Variants in MOB4 observed in about 807,000 individuals in gnomAD.
MOB4 encodes the protein MOB-like protein phocein.
MOB4 carries 4 observed loss-of-function variants against 32.2 expected under a neutral mutation model. That is an observed-to-expected ratio of 0.12 (90% confidence interval 0.06 to 0.28). MOB4 has a LOEUF of 0.28. MOB4 is among the 10% of genes least tolerant of loss of function. The pLI is 1.00. For missense variants in MOB4, 158 were observed against 271.2 expected, an observed-to-expected ratio of 0.58 and a Z score of 2.93; for synonymous variants, 88 against 88.1, an observed-to-expected ratio of 1.00 and a Z score of 0.01.
Position 197,549,547 on chromosome 2 carries a change from TTCTC to T in MOB4, c.435-720_435-717del, listed in dbSNP as rs532602613. Among the ~76,000 whole-genome samples, 136 of 152,122 alleles carry T rather than the reference TTCTC, an allele frequency of 8.9e-4. 1 individual carries two copies. Among genetic ancestry groups the T allele is most frequent in the Non-Finnish European group, 1.4e-3 (97 of 67,998 alleles). On this transcript the variant is annotated intron_variant, in intron 6 of 7. Transcript: ENST00000323303. ...TCAATTTTAAAAAAACAATTTTAAT[TTCTC>T]TCTCTCTGTTTTTCTTTTTCTATAT...
chr2:197,517,370 C>T (rs1366501890), intron 1 of MOB4, among the ~76,000 whole-genome samples: 1 of 152,172 alleles, frequency 6.6e-6, no homozygotes, highest in East Asian at 1.9e-4. Flanking sequence ...TTTCATACTA[C>T]TGGAAATTTA....
intron 3 of MOB4, among the ~76,000 whole-genome samples, chr2:197,536,545 A>C (rs552807214): frequency 7.4e-5 from 11 of 148,832 alleles, no homozygotes; most frequent in African/African-American, 2.5e-4. Flanking sequence ...CTTAACCGCT[A>C]ATATAGTATT....
intron 1 of MOB4, among the ~76,000 whole-genome samples, chr2:197,522,553 A>G (rs1194139858): frequency 1.3e-5 from 2 of 149,498 alleles, no homozygotes; most frequent in Non-Finnish European, 3.0e-5. Context: ...CTGGTCTCGA[A>G]CTCCTGACCT....
chr2:197,546,499 ATCC>A (rs2106136944), intron 5 of MOB4, among the ~76,000 whole-genome samples: 2 of 152,118 alleles, frequency 1.3e-5, no homozygotes, highest in South Asian at 4.2e-4. Flanking sequence ...TGCTCAAGCA[ATCC>A]TCCTGCCTCA....
chr2:197,550,454 T>C, intron 7 of MOB4, 61 bp from the exon 8 acceptor site: 1 of 1,584,858 alleles, frequency 6.3e-7, no homozygotes, highest in Non-Finnish European at 8.6e-7. Context: ...ATTGATGTTA[T>C]TTCTAGTCTT....
At chr2:197,541,835 C>T (rs970072940) in intron 5 of MOB4, among the ~76,000 whole-genome samples, 13 of 151,578 alleles carry the variant, frequency 8.6e-5, no homozygotes, top group African/African-American at 1.9e-4. Context: ...AGGAGAATGG[C>T]GTGAACCCAG....
In MOB4 at chr2:197,526,052, G is replaced by A. The variant is rs527582781; in HGVS notation, c.123+2366G>A. On this transcript the variant is annotated intron_variant, in intron 2 of 7. Transcript: ENST00000323303. ...TTCTTTTTCTTGCCTAATTGCTCTG[G>A]CTAGACCTTCCAGTACTACTTTGAA... Among the ~76,000 whole-genome samples, 5 of 152,068 alleles carry A rather than the reference G, an allele frequency of 3.3e-5. No homozygotes were observed. In the South Asian group the frequency reaches 1.0e-3, roughly 32 times the overall value.
Position 197,553,406 on chromosome 2 carries a change from C to T in MOB4, c.*2760C>T, listed in dbSNP as rs564546238. On this transcript the variant is annotated 3_prime_UTR_variant, in exon 8 of 8. Transcript: ENST00000323303. ...TCCAGCCTGGGTAACGAGCAAAACT[C>T]CGTCTCAAAAACTCCGTCTCAAAAA... The T allele has an allele frequency of 2.3e-4, 35 of 151,984 alleles. No homozygotes were observed. The highest frequency in any genetic ancestry group is 8.4e-4 in the African/African-American group (35 of 41,446). The allele number at this position is 151,984 out of a possible 1,614,324, so 9.4% of individuals were successfully genotyped here.
upstream of MOB4, chr2:197,515,965 G>A (rs953345530): frequency 2.9e-6 from 3 of 1,030,252 alleles, no homozygotes; most frequent in Admixed American, 2.5e-5. Flanking sequence ...GGCGCAGGCT[G>A]CAGCTGTTCC....
intron 5 of MOB4, among the ~76,000 whole-genome samples, chr2:197,544,543 G>A (rs2086958022): frequency 6.6e-6 from 1 of 152,162 alleles, no homozygotes; most frequent in African/African-American, 2.4e-5. Context: ...CACGAGGTCA[G>A]GAGATCAAGA....
At chr2:197,528,616 C>CTTTTTTTTTTTTT (rs60927398) in intron 2 of MOB4, among the ~76,000 whole-genome samples, 6 of 131,688 alleles carry the variant, frequency 4.6e-5, no homozygotes, top group Admixed American at 8.1e-5. Flanking sequence ...TTTTCTTTTT[C>CTTTTTTTTTTTTT]TTTTTTTTTT....
Position 197,535,643 on chromosome 2 carries a change from A to G in MOB4, c.224+13A>G. The G allele has an allele frequency of 3.1e-6, 5 of 1,597,688 alleles. No individual in the cohort carries two copies. Among genetic ancestry groups the G allele is most frequent in the Non-Finnish European group, 4.3e-6 (5 of 1,175,228 alleles). The stretch of plus-strand genomic sequence containing the variant: ...ATGAACATTTAAGGTAGGACCTTAC[A>G]TCAAAATACTAATAGTACCTCTCAC... On this transcript the variant is annotated intron_variant, in intron 3 of 7. Transcript: ENST00000323303.
chr2:197,525,709 CAAAAAA>C (rs368659222), intron 2 of MOB4, among the ~76,000 whole-genome samples: 2 of 64,624 alleles, frequency 3.1e-5, no homozygotes, highest in Non-Finnish European at 6.8e-5. Context: ...GACCCTATCT[CAAAAAA>C]AAAAAAAAAA....
At chr2:197,540,174 A>C (rs754894092) in intron 4 of MOB4, 21 bp downstream of exon 4, 1 of 1,601,340 alleles carries the variant, frequency 6.2e-7, no homozygotes, top group Non-Finnish European at 8.5e-7. Context: ...CTTTAAGTCA[A>C]AGTTATAATT....
At position 197,551,216 on chromosome 2, in the gene MOB4, A is replaced by T. The variant is rs1482411229; in HGVS notation, c.*570A>T. 1 of 152,406 alleles carries T rather than the reference A, an allele frequency of 6.6e-6. No individual in the cohort carries two copies. The highest frequency in any genetic ancestry group is 1.5e-5 in the Non-Finnish European group (1 of 68,038). The allele number at this position is 152,406 out of a possible 1,614,324, so 9.4% of individuals were successfully genotyped here. On this transcript the variant is annotated 3_prime_UTR_variant, in exon 8 of 8. Transcript: ENST00000323303. ...AATGAAGCATTAGTAATACTTAAAT[A>T]ATTTTACTGTGCTACATAAAGTATA...
chr2:197,530,985 A>T (rs1166086381), intron 2 of MOB4, among the ~76,000 whole-genome samples: 2 of 151,774 alleles, frequency 1.3e-5, no homozygotes, highest in African/African-American at 2.4e-5. Flanking sequence ...AGCTTTTTTT[A>T]AATTGTGGCA....
At chr2:197,540,264 A>G (rs1187603426) in intron 4 of MOB4, 87 bp from the exon 5 acceptor site, 6 of 1,480,514 alleles carry the variant, frequency 4.1e-6, no homozygotes, top group Non-Finnish European at 5.4e-6. Flanking sequence ...ACTTTCTTCT[A>G]GAATTTATTA....
At chr2:197,518,416 C>T (rs994429875) in intron 1 of MOB4, among the ~76,000 whole-genome samples, 3 of 151,792 alleles carry the variant, frequency 2.0e-5, no homozygotes, top group Non-Finnish European at 4.4e-5. Flanking sequence ...ATTACAGGCG[C>T]GTGCCACCAC....
At chr2:197,518,872 C>T (rs543338730) in intron 1 of MOB4, among the ~76,000 whole-genome samples, 78 of 152,290 alleles carry the variant, frequency 5.1e-4, no homozygotes, top group Non-Finnish European at 8.8e-4. Flanking sequence ...TCTTCTGCCT[C>T]GGCCTCCCGA....
Sources: gnomAD v4.1 joint callset for allele counts (sites outside exome capture counted in the v4.1 genomes callset) on GRCh38, gnomAD v4.1.1 for gene constraint, MANE v1.5 for transcripts, NCBI Gene and HGNC (gene_info 2026-07-23, HGNC 2026-07-21) for gene names.